YAE1: variants seen among roughly 807,000 people sequenced by gnomAD.
The protein encoded by YAE1 is protein YAE1 homolog.
In YAE1, 22 loss-of-function variants were observed where a neutral mutation model predicts 23.0. That is an observed-to-expected ratio of 0.96 (90% CI 0.68 to 1.37). The LOEUF (loss-of-function observed/expected upper bound fraction) is 1.37. YAE1 is among the 40% of genes most tolerant of loss of function. The pLI is 0.00. For synonymous variants in YAE1, 101 were observed against 97.0 expected (o/e 1.04, Z -0.24); for missense variants, 260 against 262.1 (o/e 0.99, Z 0.06).
At chr7:39,608,708 C>T (rs1015078981) in intron 2 of YAE1, among the ~76,000 whole-genome samples, 1 of 152,144 alleles carries the variant, frequency 6.6e-6, no homozygotes, top group Non-Finnish European at 1.5e-5. Context: ...GGATTTCATT[C>T]TATATTACAG....
intron 2 of YAE1, among the ~76,000 whole-genome samples, chr7:39,603,827 A>G (rs192759578): frequency 6.6e-6 from 1 of 152,320 alleles, no homozygotes; most frequent in East Asian, 1.9e-4. Flanking sequence ...CACAGTGTTC[A>G]AGAGTTCTGT....
At chr7:39,575,008 A>C (rs1276947292), downstream of YAE1, among the ~76,000 whole-genome samples, 1 of 152,254 alleles carries the variant, frequency 6.6e-6, no homozygotes, top group Non-Finnish European at 1.5e-5. Flanking sequence ...AGAACCAAGA[A>C]TGAAGGGAAA....
At chr7:39,569,821 T>G in intron 1 of YAE1, 2 of 797,076 alleles carry the variant, frequency 2.5e-6, no homozygotes, top group South Asian at 1.3e-5. Flanking sequence ...TTATCACTTA[T>G]AAAGTTTATG....
intron 2 of YAE1, among the ~76,000 whole-genome samples, chr7:39,596,007 G>A (rs2115831465): frequency 6.6e-6 from 1 of 152,248 alleles, no homozygotes; most frequent in African/African-American, 2.4e-5. Flanking sequence ...CATTGGCTAT[G>A]CCTTTTTCTT....
rs768350031 is a variant in YAE1, at chr7:39,566,507, C to A, written c.89C>A (p.Ala30Glu). ...GAAGAAGCAGACGAGTCGCTCCTGG[C>A]GCAGCGGGAATGGCAGAGTAACATG... is the stretch of plus-strand genomic sequence containing the variant. ...FDEEADESLL[A>E]QREWQSNMQR... Residue 30 changes from alanine (A) to glutamate (E), a missense_variant, in exon 1 of 3, where the codon GCG (alanine) becomes GAG (glutamate). Ala to Glu is a moderately radical substitution (Grantham distance 107, BLOSUM62 -1). Transcript: ENST00000223273. The A allele has an allele frequency of 6.2e-6, 10 of 1,614,134 alleles. No individual in the cohort carries two copies. Among genetic ancestry groups the A allele is most frequent in the Non-Finnish European group, 7.6e-6 (9 of 1,180,014 alleles).
At chr7:39,594,745 C>T (rs940687025) in intron 2 of YAE1, among the ~76,000 whole-genome samples, 4 of 152,084 alleles carry the variant, frequency 2.6e-5, no homozygotes, top group Non-Finnish European at 5.9e-5. Context: ...CATGTGCCCG[C>T]CACCATGCCT....
intron 2 of YAE1, among the ~76,000 whole-genome samples, chr7:39,598,574 TGA>T (rs1219671122): frequency 6.6e-6 from 1 of 151,722 alleles, no homozygotes; most frequent in African/African-American, 2.4e-5. Flanking sequence ...CTCAGGAGTG[TGA>T]AACCAGCCTG....
intron 2 of YAE1, among the ~76,000 whole-genome samples, chr7:39,596,715 C>T (rs576461988): frequency 1.1e-4 from 16 of 152,092 alleles, no homozygotes; most frequent in African/African-American, 3.9e-4. Context: ...TATTTACTTA[C>T]CTCTCTTCCC....
chr7:39,580,643 T>C (rs757744137), intron 2 of YAE1, among the ~76,000 whole-genome samples: 1 of 152,304 alleles, frequency 6.6e-6, no homozygotes, highest in Non-Finnish European at 1.5e-5. Flanking sequence ...TTTCATTCCT[T>C]GGTAATGTGC....
At chr7:39,598,160 A>T (rs1475464849) in intron 2 of YAE1, among the ~76,000 whole-genome samples, 1 of 151,874 alleles carries the variant, frequency 6.6e-6, no homozygotes, top group Non-Finnish European at 1.5e-5. Flanking sequence ...CCCAGGCTGG[A>T]GTACAGTGGC....
intron 2 of YAE1, among the ~76,000 whole-genome samples, chr7:39,587,056 TC>T (rs1790830265): frequency 4.6e-5 from 7 of 151,730 alleles, no homozygotes; most frequent in Non-Finnish European, 8.8e-5. Context: ...TCTTTCTTTC[TC>T]TTTCTTTCTT....
Position 39,566,431 on chromosome 7 carries a change from C to A in YAE1, c.13C>A (p.Gln5Lys). ...AATTGCCTCGGTGATGTCGTGGGTT[C>A]AAGCAGCCTCCTTGATCCAGGGCCC... MSWV[Q>K]AASLIQGPGD... The change falls in exon 1 of 3, where the codon CAA (glutamine) becomes AAA (lysine). Residue 5 changes from glutamine (Q) to lysine (K), a missense_variant. By Grantham distance (53) the Gln-to-Lys change is moderately conservative. Transcript: ENST00000223273. 1 of 1,614,112 alleles carries A rather than the reference C, an allele frequency of 6.2e-7. No individual in the cohort carries two copies. Among genetic ancestry groups the A allele is most frequent in the Non-Finnish European group, 8.5e-7 (1 of 1,179,956 alleles).
rs939949475 is a variant in YAE1 at position 39,566,415 on chromosome 7, G to C, written c.-4G>C. 2 of 1,613,286 alleles carry C rather than the reference G, an allele frequency of 1.2e-6. No individual in the cohort carries two copies. The highest frequency in any genetic ancestry group is 1.1e-5 in the South Asian group (1 of 91,048). Reference sequence around the variant, plus strand: ...TGGCCTGCGACCCCGTAATTGCCTCGGTGATGTCGTGGGTTCAAGCAGCCT... The same window carrying C: ...TGGCCTGCGACCCCGTAATTGCCTCCGTGATGTCGTGGGTTCAAGCAGCCT... On this transcript the variant is annotated 5_prime_UTR_variant, in exon 1 of 3. Transcript: ENST00000223273.
At chr7:39,599,465 T>C (rs1247906501) in intron 2 of YAE1, among the ~76,000 whole-genome samples, 1 of 151,988 alleles carries the variant, frequency 6.6e-6, no homozygotes, top group Non-Finnish European at 1.5e-5. Flanking sequence ...AACCTCCGCC[T>C]CCCAAGTTCA....
intron 2 of YAE1, among the ~76,000 whole-genome samples, chr7:39,584,118 C>T (rs997884317): frequency 6.6e-6 from 1 of 152,128 alleles, no homozygotes; most frequent in Admixed American, 6.6e-5. Flanking sequence ...AGGTAATTAG[C>T]ATGATTTCTC....
intron 2 of YAE1, among the ~76,000 whole-genome samples, chr7:39,592,223 G>A (rs766247297): frequency 2.6e-5 from 4 of 152,110 alleles, no homozygotes; most frequent in Non-Finnish European, 5.9e-5. Flanking sequence ...GGATCATATG[G>A]TAAGAGTATG....
rs1790592065 is a variant in YAE1 at position 39,572,648 on chromosome 7, G to A, written c.623G>A (p.Ser208Asn). 1 of 1,613,400 alleles carries A rather than the reference G, an allele frequency of 6.2e-7. No homozygotes were observed. Among genetic ancestry groups the A allele is most frequent in the Non-Finnish European group, 8.5e-7 (1 of 1,179,790 alleles). Residue 208 changes from serine (S) to asparagine (N), a missense_variant, in exon 3 of 3, where the codon AGT becomes AAT. By Grantham distance (46) the Ser-to-Asn change is conservative (BLOSUM62 1). Transcript: ENST00000223273. ...ACATGGATTTTGGAACAGACAGCCA[G>A]TTTAGTTAAACAGCTGGGCCTATCA... The part of the protein sequence containing the change: ...SPTWILEQTA[S>N]LVKQLGLSVD...
intron 1 of YAE1, chr7:39,569,761 C>A: frequency 2.7e-6 from 2 of 753,208 alleles, no homozygotes; most frequent in Non-Finnish European, 5.0e-6. Flanking sequence ...CTCATCTGAA[C>A]AGAACCTGAA....
rs149571566 is a variant in YAE1 at position 39,585,514 on chromosome 7, T to C, written c.251+14887T>C. ...AACAAACCAGCTGACACCTTGATCT[T>C]GGACTTCTCGCCTCCAGATCTGTGA... On this transcript the variant is annotated intron_variant, in intron 2 of 2. Transcript: ENST00000432096. Among the ~76,000 whole-genome samples the C allele has an allele frequency of 2.9e-3, 446 of 152,294 alleles. 7 individuals carry two copies. Among genetic ancestry groups the C allele is most frequent in the East Asian group, 0.023 (117 of 5,178 alleles).
Sources: allele counts gnomAD v4.1 joint callset (sites outside exome capture counted in the v4.1 genomes callset), GRCh38; gene constraint gnomAD v4.1.1; transcripts MANE v1.5; gene names NCBI Gene and HGNC (gene_info 2026-07-23, HGNC 2026-07-21).